Variants in C8orf34 observed in about 807,000 individuals in gnomAD.
C8orf34 encodes the protein chromosome 8 open reading frame 34.
A neutral mutation model predicts 68.3 loss-of-function variants in C8orf34; 65 were observed. The observed-to-expected ratio is 0.95, with a 90% CI of 0.78 to 1.17. The LOEUF is 1.17. Among genes scored for constraint, C8orf34 ranks in the 50% most tolerant of loss-of-function variants. The pLI, the probability that C8orf34 is intolerant of heterozygous loss-of-function variation, is 0.00. For missense variants in C8orf34, 664 were observed against 655.4 expected (o/e 1.01, Z -0.14); for synonymous variants, 244 against 241.2 (o/e 1.01, Z -0.11).
intron 7 of C8orf34, among the ~76,000 whole-genome samples, chr8:68,614,666 G>C (rs1818139295): frequency 6.6e-6 from 1 of 152,156 alleles, no homozygotes; most frequent in Non-Finnish European, 1.5e-5. Context: ...TTTTGTACCA[G>C]TACCATGCTG....
At chr8:68,789,763 TA>T (rs997328473) in intron 12 of C8orf34, among the ~76,000 whole-genome samples, 1 of 152,102 alleles carries the variant, frequency 6.6e-6, no homozygotes, top group African/African-American at 2.4e-5. Flanking sequence ...AGCTAGAAAT[TA>T]AAAAATAAAA....
At chr8:68,681,357 CA>C (rs1451251091) in intron 8 of C8orf34, among the ~76,000 whole-genome samples, 1 of 152,154 alleles carries the variant, frequency 6.6e-6, no homozygotes, top group Non-Finnish European at 1.5e-5. Flanking sequence ...GAAATCTTCA[CA>C]ATTTATGTTC....
chr8:68,434,229 A>C (rs1357096296), intron 1 of C8orf34, among the ~76,000 whole-genome samples: 2 of 152,124 alleles, frequency 1.3e-5, no homozygotes, highest in East Asian at 3.9e-4. Flanking sequence ...TGTACCTATC[A>C]ACCCATCATG....
chr8:68,581,816 A>G (rs768427469), intron 7 of C8orf34, among the ~76,000 whole-genome samples: 1 of 152,002 alleles, frequency 6.6e-6, no homozygotes, highest in Non-Finnish European at 1.5e-5. Flanking sequence ...TCATTGTCTC[A>G]CCTTCCAAAT....
chr8:68,368,411 T>A (rs755634620), intron 1 of C8orf34, among the ~76,000 whole-genome samples: 15 of 152,132 alleles, frequency 9.9e-5, no homozygotes, highest in Non-Finnish European at 1.8e-4. Context: ...ATGGCTATTA[T>A]TCATGAAAAA....
chr8:68,368,593 T>C (rs574897881), intron 1 of C8orf34, among the ~76,000 whole-genome samples: 33 of 152,272 alleles, frequency 2.2e-4, no homozygotes, highest in Admixed American at 4.6e-4. Flanking sequence ...CAATATTAGC[T>C]TTTTTGTGTT....
chr8:68,374,292 GTATGGTGTGT>G (rs1807696867), intron 1 of C8orf34, among the ~76,000 whole-genome samples: 1 of 151,938 alleles, frequency 6.6e-6, no homozygotes, highest in Non-Finnish European at 1.5e-5. Context: ...TTTGTATCCC[GTATGGTGTGT>G]TTTGGATACA....
chr8:68,451,955 C>T lies in C8orf34; in HGVS notation c.607+5495C>T, dbSNP rs1443155865. On this transcript the variant is annotated intron_variant, in intron 3 of 13. Transcript: ENST00000518698. Reference sequence around the variant, plus strand: ...AAGCAAGGTATTCCTGTATATCATACGAGTGAAATCACAATGTATGACCTT... The same window carrying T: ...AAGCAAGGTATTCCTGTATATCATATGAGTGAAATCACAATGTATGACCTT... 3.9e-5 allele frequency among the ~76,000 whole-genome samples: 6 copies of T among 151,998 alleles called. No individual in the cohort carries two copies. In the South Asian group the frequency reaches 8.3e-4, roughly 21 times the overall value.
At chr8:68,455,113 T>G (rs1310236602) in intron 3 of C8orf34, among the ~76,000 whole-genome samples, 1 of 152,174 alleles carries the variant, frequency 6.6e-6, no homozygotes, top group Non-Finnish European at 1.5e-5. Context: ...GAGAAGATAC[T>G]TGGTATGATT....
At chr8:68,649,020 A>AT (rs1347147271) in intron 8 of C8orf34, among the ~76,000 whole-genome samples, 1 of 152,006 alleles carries the variant, frequency 6.6e-6, no homozygotes, top group African/African-American at 2.4e-5. Context: ...TTTGTTTATG[A>AT]TTTTTTTTCT....
chr8:68,533,783 A>G, intron 7 of C8orf34: 1 of 975,602 alleles, frequency 1.0e-6, no homozygotes, highest in African/African-American at 1.8e-5. Context: ...TAAATTTTTA[A>G]ACTGAACTTC....
chr8:68,765,820 C>T (rs1823155803), intron 10 of C8orf34, among the ~76,000 whole-genome samples: 1 of 152,132 alleles, frequency 6.6e-6, no homozygotes, highest in Admixed American at 6.5e-5. Context: ...ATTTAGGCCC[C>T]TTCAATTAAA....
chr8:68,479,583 G>A (rs776904152), intron 4 of C8orf34, among the ~76,000 whole-genome samples: 1 of 152,212 alleles, frequency 6.6e-6, no homozygotes, highest in East Asian at 1.9e-4. Flanking sequence ...GGTTGGGGAT[G>A]GAGCCAAAAA....
At chr8:68,796,748 C>G (rs2129529385) in intron 12 of C8orf34, among the ~76,000 whole-genome samples, 1 of 151,856 alleles carries the variant, frequency 6.6e-6, no homozygotes, top group South Asian at 2.1e-4. Context: ...AATCCAATCA[C>G]TGGGTAGTCC....
chr8:68,534,573 G>A (rs1280457243), intron 7 of C8orf34: 14 of 945,184 alleles, frequency 1.5e-5, no homozygotes, highest in Non-Finnish European at 1.8e-5. Context: ...ACCCAGGAAT[G>A]TTTCCTAGAG....
chr8:68,674,627 A>AATGAAGT (rs1191688474), intron 8 of C8orf34, among the ~76,000 whole-genome samples: 1 of 152,116 alleles, frequency 6.6e-6, no homozygotes, highest in Non-Finnish European at 1.5e-5. Context: ...AAAAAAAAAG[A>AATGAAGT]ATGAAGTATG....
chr8:68,425,498 C>G (rs1210673694), intron 1 of C8orf34, among the ~76,000 whole-genome samples: 2 of 151,950 alleles, frequency 1.3e-5, no homozygotes, highest in African/African-American at 2.4e-5. Context: ...TATAATATAA[C>G]TTACAATTGT....
At chr8:68,571,538 C>T (rs983010552) in intron 7 of C8orf34, among the ~76,000 whole-genome samples, 9 of 108,352 alleles carry the variant, frequency 8.3e-5, no homozygotes, top group African/African-American at 2.2e-4. Flanking sequence ...TGTTCTTAAG[C>T]CTGCTGTGCT....
intron 5 of C8orf34, among the ~76,000 whole-genome samples, chr8:68,505,682 G>T (rs1352885348): frequency 1.1e-5 from 1 of 93,328 alleles, no homozygotes; most frequent in Non-Finnish European, 1.9e-5. Flanking sequence ...CGTGAGCCGA[G>T]ATTGCGCCAC....
Sources: gnomAD v4.1 joint callset for allele counts (sites outside exome capture counted in the v4.1 genomes callset) on GRCh38, gnomAD v4.1.1 for gene constraint, MANE v1.5 for transcripts, NCBI Gene and HGNC (gene_info 2026-07-23, HGNC 2026-07-21) for gene names.